Variants in PPP2R5E observed in about 807,000 individuals in gnomAD.
The protein encoded by PPP2R5E is serine/threonine-protein phosphatase 2A 56 kDa regulatory subunit epsilon isoform.
A neutral mutation model predicts 65.3 loss-of-function variants in PPP2R5E; 4 were observed. The observed-to-expected ratio is 0.06, with a 90% confidence interval of 0.03 to 0.14. PPP2R5E has a LOEUF of 0.14. PPP2R5E is among the 10% of genes least tolerant of loss of function. The probability of loss-of-function intolerance (pLI) is 1.00; values close to 1 mark genes in which losing one functional copy is unlikely to be tolerated. For missense variants in PPP2R5E, 274 were observed against 556.1 expected (o/e 0.49, Z 5.10); for synonymous variants, 183 against 187.4 (o/e 0.98, Z 0.19).
chr14:63,502,328 A>G (rs1247063982), intron 2 of PPP2R5E, among the ~76,000 whole-genome samples: 1 of 152,114 alleles, frequency 6.6e-6, no homozygotes, highest in Non-Finnish European at 1.5e-5. Context: ...GACAAGATTC[A>G]TCCTGCTCAA....
At chr14:63,376,238 C>G (rs367901501) in intron 13 of PPP2R5E, 130 bp from the exon 14 acceptor site, 4 of 616,136 alleles carry the variant, frequency 6.5e-6, no homozygotes, top group African/African-American at 5.7e-5. Context: ...TTTAAAATTA[C>G]TAAGAAACAA....
intron 2 of PPP2R5E, among the ~76,000 whole-genome samples, chr14:63,517,310 C>T (rs1892707744): frequency 6.6e-6 from 1 of 152,112 alleles, no homozygotes; most frequent in South Asian, 2.1e-4. Flanking sequence ...TTAAGTAAAA[C>T]TGTGAAGAAA....
intron 3 of PPP2R5E, among the ~76,000 whole-genome samples, chr14:63,433,017 TTTTTG>T (rs1226394133): frequency 3.0e-4 from 44 of 146,312 alleles, no homozygotes; most frequent in Middle Eastern, 3.6e-3. Context: ...ACAGTTTTGT[TTTTTG>T]TTTTGTTTTG....
intron 2 of PPP2R5E, among the ~76,000 whole-genome samples, chr14:63,521,432 G>A (rs1892902988): frequency 6.6e-6 from 1 of 152,176 alleles, no homozygotes; most frequent in Non-Finnish European, 1.5e-5. Context: ...ACTTTGGGAG[G>A]CGGAGGCGGG....
Position 63,460,634 on chromosome 14 carries a change from T to A in PPP2R5E, c.158-6749A>T, listed in dbSNP as rs796591243. Among the ~76,000 whole-genome samples, 12 of 152,316 alleles carry A rather than the reference T, an allele frequency of 7.9e-5. 1 individual carries two copies. Among genetic ancestry groups the A allele is most frequent in the African/African-American group, 2.9e-4 (12 of 41,576 alleles). ...GCAGGTAGGTTTAAGTTTTAGATAA[T>A]AATAACATATTAATTATTCTTCCCA... is the stretch of plus-strand genomic sequence containing the variant. On this transcript the variant is annotated intron_variant, in intron 2 of 13. Transcript: ENST00000337537.
intron 2 of PPP2R5E, among the ~76,000 whole-genome samples, chr14:63,461,824 G>T (rs868675272): frequency 4.1e-5 from 6 of 144,910 alleles, no homozygotes; most frequent in Non-Finnish European, 7.4e-5. Flanking sequence ...TAAAAAGGAG[G>T]GTTAGCAATT....
At chr14:63,492,116 C>T (rs1891312287) in intron 2 of PPP2R5E, among the ~76,000 whole-genome samples, 1 of 152,082 alleles carries the variant, frequency 6.6e-6, no homozygotes, top group African/African-American at 2.4e-5. Flanking sequence ...TCTTCAATAA[C>T]CCGACCTACA....
At chr14:63,390,683 G>A (rs1884967331) in intron 10 of PPP2R5E, among the ~76,000 whole-genome samples, 1 of 152,196 alleles carries the variant, frequency 6.6e-6, no homozygotes, top group Admixed American at 6.5e-5. Context: ...GCTGATTTGA[G>A]AAGGAAGGCG....
At chr14:63,481,720 TTC>T (rs1890711733) in intron 2 of PPP2R5E, among the ~76,000 whole-genome samples, 1 of 152,212 alleles carries the variant, frequency 6.6e-6, no homozygotes, top group South Asian at 2.1e-4. Flanking sequence ...CAATGACAAA[TTC>T]TGTTTACTTC....
At chr14:63,394,178 T>C (rs997671246) in intron 7 of PPP2R5E, among the ~76,000 whole-genome samples, 1 of 150,256 alleles carries the variant, frequency 6.7e-6, no homozygotes, top group African/African-American at 2.5e-5. Context: ...GCCTCCGGGA[T>C]TCAAGCTATT....
At chr14:63,404,217 C>T (rs966595312) in intron 5 of PPP2R5E, among the ~76,000 whole-genome samples, 4 of 152,150 alleles carry the variant, frequency 2.6e-5, no homozygotes, top group Admixed American at 6.5e-5. Flanking sequence ...CAAAAGGTTT[C>T]GAGCAAAACA....
In PPP2R5E at chr14:63,465,450, C is replaced by CAAAA. The variant is rs1171345415; in HGVS notation, c.158-11569_158-11566dup. Among the ~76,000 whole-genome samples the CAAAA allele has an allele frequency of 2.5e-3, 115 of 46,288 alleles. 1 individual carries two copies. Among genetic ancestry groups the CAAAA allele is most frequent in the African/African-American group, 4.5e-3 (57 of 12,656 alleles). The allele number at this position is 46,288 out of a possible 152,430, so 30.4% of individuals were successfully genotyped here. A position where few individuals can be genotyped will look rare whatever the true frequency, so the allele number is the denominator to read the frequency against. On this transcript the variant is annotated intron_variant, in intron 2 of 13. Transcript: ENST00000337537. ...GCAACATGGTAAAACTCCACCTCTA[C>CAAAA]AAAAAAAAAAAAAAAAAAAAAAACA... is the stretch of plus-strand genomic sequence containing the variant.
intron 2 of PPP2R5E, among the ~76,000 whole-genome samples, chr14:63,468,815 A>C (rs904702080): frequency 3.3e-5 from 5 of 152,224 alleles, no homozygotes; most frequent in African/African-American, 1.2e-4. Context: ...TTACACTTAG[A>C]GTTCTTTACA....
chr14:63,382,040 A>T lies in PPP2R5E; in HGVS notation c.1304+16T>A. 3 of 1,595,724 alleles carry T rather than the reference A, an allele frequency of 1.9e-6. No individual in the cohort carries two copies. Among genetic ancestry groups the T allele is most frequent in the Non-Finnish European group, 2.6e-6 (3 of 1,167,792 alleles). On this transcript the variant is annotated intron_variant, in intron 13 of 13. Coordinates refer to ENST00000337537, the MANE Select transcript of PPP2R5E (RefSeq NM_006246.5). ...TAGCTTTATGCACAGCTGACAAAAAAGCTTTAAAAAGTTACCGCTGACGAT... is the reference window on the plus strand; with the variant it reads ...TAGCTTTATGCACAGCTGACAAAAATGCTTTAAAAAGTTACCGCTGACGAT...
intron 2 of PPP2R5E, among the ~76,000 whole-genome samples, chr14:63,490,383 C>T (rs1891225385): frequency 6.6e-6 from 1 of 151,978 alleles, no homozygotes; most frequent in Admixed American, 6.6e-5. Context: ...CAAAAGTTGA[C>T]AAGTGGAACC....
chr14:63,523,835 T>G (rs1893075048), intron 2 of PPP2R5E, among the ~76,000 whole-genome samples: 1 of 152,202 alleles, frequency 6.6e-6, no homozygotes. Context: ...ATAAATATTC[T>G]TGCATTCAAA....
chr14:63,422,748 A>C (rs962033109), intron 3 of PPP2R5E, among the ~76,000 whole-genome samples: 2 of 136,860 alleles, frequency 1.5e-5, no homozygotes, highest in Admixed American at 7.0e-5. Context: ...AAAAAAAAAA[A>C]AAAAAAAAAA....
chr14:63,535,414 T>G (rs1312070935), intron 2 of PPP2R5E, among the ~76,000 whole-genome samples: 2 of 150,430 alleles, frequency 1.3e-5, no homozygotes, highest in Non-Finnish European at 3.0e-5. Flanking sequence ...AGAGCAAAAC[T>G]CCATCTCAAA....
chr14:63,438,965 A>T (rs1888074250), intron 3 of PPP2R5E, among the ~76,000 whole-genome samples: 1 of 152,038 alleles, frequency 6.6e-6, no homozygotes. Context: ...ACAGGGGCAT[A>T]TGCAGTTTCA....
Sources: gnomAD v4.1 joint callset for allele counts (sites outside exome capture counted in the v4.1 genomes callset) on GRCh38, gnomAD v4.1.1 for gene constraint, MANE v1.5 for transcripts, NCBI Gene and HGNC (gene_info 2026-07-23, HGNC 2026-07-21) for gene names.